Variants in ANKRD6 observed in about 807,000 individuals in gnomAD.
ANKRD6 encodes ankyrin repeat domain-containing protein 6.
A neutral mutation model predicts 82.3 loss-of-function variants in ANKRD6; 56 were observed. That is an observed-to-expected ratio of 0.68 (90% CI 0.55 to 0.85). The LOEUF is 0.85. Ranked by LOEUF, ANKRD6 falls within the 40% of genes least tolerant of loss-of-function variation. The pLI is 0.00. For missense variants in ANKRD6, 852 were observed against 907.6 expected, an observed-to-expected ratio of 0.94 and a Z score of 0.79; for synonymous variants, 347 against 352.1, an observed-to-expected ratio of 0.99 and a Z score of 0.16.
chr6:89,566,665 C>A (rs899164922), intron 1 of ANKRD6, among the ~76,000 whole-genome samples, 169 bp from the exon 2 acceptor site: 3 of 152,222 alleles, frequency 2.0e-5, no homozygotes, highest in Admixed American at 1.3e-4. Flanking sequence ...CTTGGAAGTT[C>A]TGTTCAGGGG....
At chr6:89,605,986 C>T (rs764266057) in intron 4 of ANKRD6, 21 bp from the exon 5 acceptor site, 23 of 1,540,352 alleles carry the variant, frequency 1.5e-5, no homozygotes, top group Non-Finnish European at 2.0e-5. Context: ...TGTGCCTTTC[C>T]CACCTGTGTG....
rs1433968541 is a variant in ANKRD6 at position 89,448,899 on chromosome 6, G to A, written c.-144+15524G>A. 2.6e-5 allele frequency among the ~76,000 whole-genome samples: 4 copies of A among 151,272 alleles called. No individual in the cohort carries two copies. The East Asian group carries it at 7.8e-4, about 29-fold the overall frequency. ...CAAAAAATTAGCCGGGCGTGTTGGC[G>A]GGCGCCTGTAGTCCCAGCTACTTGG... On this transcript the variant is annotated intron_variant, in intron 1 of 15. Transcript: ENST00000339746.
chr6:89,448,984 C>G (rs983802603), intron 1 of ANKRD6, among the ~76,000 whole-genome samples: 1 of 144,818 alleles, frequency 6.9e-6, no homozygotes, highest in Non-Finnish European at 1.5e-5. Context: ...GAGCCGAGAT[C>G]GCGCCACTGC....
chr6:89,567,050 A>G lies in ANKRD6; in HGVS notation c.74A>G (p.Asn25Ser), dbSNP rs1377363859. ...LVAAYKGQTE[N>S]VVQLINKGAR... The stretch of plus-strand genomic sequence containing the variant: ...GCTGCGTACAAAGGCCAAACAGAGA[A>G]TGTGGTTCAGCTCATCAACAAGGGC... Residue 25 changes from asparagine (N) to serine (S), a missense_variant, in exon 2 of 16, where the codon AAT (asparagine) becomes AGT (serine). Physicochemically the swap from Asn to Ser is conservative, Grantham distance 46. Transcript: ENST00000339746. The G allele has an allele frequency of 6.2e-7, 1 of 1,607,310 alleles. No homozygotes were observed. Among genetic ancestry groups the G allele is most frequent in the Non-Finnish European group, 8.5e-7 (1 of 1,176,772 alleles).
At chr6:89,555,681 A>G (rs1786499372) in intron 1 of ANKRD6, among the ~76,000 whole-genome samples, 1 of 152,180 alleles carries the variant, frequency 6.6e-6, no homozygotes, top group South Asian at 2.1e-4. Context: ...AAGGTGCTCT[A>G]AGTACCTTTT....
At chr6:89,491,009 A>G (rs903125668) in intron 1 of ANKRD6, among the ~76,000 whole-genome samples, 2 of 152,216 alleles carry the variant, frequency 1.3e-5, no homozygotes, top group African/African-American at 2.4e-5. Flanking sequence ...TTGACATAGA[A>G]CAGGACAAGG....
At chr6:89,533,589 G>C (rs1158879143) in intron 1 of ANKRD6, among the ~76,000 whole-genome samples, 1 of 152,180 alleles carries the variant, frequency 6.6e-6, no homozygotes, top group Non-Finnish European at 1.5e-5. Context: ...GGGAGCAAGA[G>C]AGCAAGGTTG....
chr6:89,482,404 C>G (rs1375079465), intron 1 of ANKRD6, among the ~76,000 whole-genome samples: 2 of 152,188 alleles, frequency 1.3e-5, no homozygotes, highest in Non-Finnish European at 2.9e-5. Context: ...ATAAATCATT[C>G]TTTCTACATT....
chr6:89,551,906 A>G (rs1310663449), intron 1 of ANKRD6, among the ~76,000 whole-genome samples: 2 of 152,208 alleles, frequency 1.3e-5, no homozygotes, highest in Non-Finnish European at 2.9e-5. Context: ...TAAAAACACA[A>G]TTCAAGGTGA....
At chr6:89,603,960 T>C (rs1797892963) in intron 4 of ANKRD6, among the ~76,000 whole-genome samples, 1 of 152,204 alleles carries the variant, frequency 6.6e-6, no homozygotes, top group Non-Finnish European at 1.5e-5. Context: ...CATGACTGCA[T>C]CACTGCATTC....
chr6:89,590,291 T>G (rs6912680), intron 2 of ANKRD6, among the ~76,000 whole-genome samples: 102,078 of 151,990 alleles, frequency 0.67, 36,253 homozygotes, highest in Non-Finnish European at 0.8. Context: ...TTAGCCTAAG[T>G]GCCTGTAGCT....
chr6:89,589,492 G>A (rs1272610127), intron 2 of ANKRD6, among the ~76,000 whole-genome samples: 1 of 152,160 alleles, frequency 6.6e-6, no homozygotes, highest in East Asian at 1.9e-4. Flanking sequence ...TCTTTTAAGT[G>A]GATTACCTTT....
rs1783911863 is a variant in ANKRD6, at chr6:89,536,969, A to G, written c.-143-29865A>G. 2.0e-5 allele frequency among the ~76,000 whole-genome samples: 3 copies of G among 152,214 alleles called. No individual in the cohort carries two copies. In the South Asian group the frequency reaches 6.2e-4, roughly 31 times the overall value. ...CCTGGGATTGCAGGTGTAAGCCACC[A>G]TGCCCAGTCATAGCAGTTTTTTTTT... On this transcript the variant is annotated intron_variant, in intron 1 of 15. Coordinates refer to ENST00000339746, the MANE Select transcript of ANKRD6 (RefSeq NM_001242809.2).
chr6:89,472,673 G>A (rs1378072345), intron 1 of ANKRD6, among the ~76,000 whole-genome samples: 2 of 152,180 alleles, frequency 1.3e-5, no homozygotes, highest in Non-Finnish European at 2.9e-5. Context: ...TACCTTACCT[G>A]TAGGGAATTA....
At chr6:89,436,982 A>C (rs796121413) in intron 1 of ANKRD6, among the ~76,000 whole-genome samples, 7 of 152,240 alleles carry the variant, frequency 4.6e-5, no homozygotes, top group African/African-American at 1.7e-4. Flanking sequence ...TCAGCTATTA[A>C]ATTTGTCACT....
chr6:89,603,475 C>T (rs893134416), intron 4 of ANKRD6, among the ~76,000 whole-genome samples: 1 of 151,864 alleles, frequency 6.6e-6, no homozygotes, highest in African/African-American at 2.4e-5. Flanking sequence ...AGCCATTGTG[C>T]CCAGCTGCCA....
intron 15 of ANKRD6, among the ~76,000 whole-genome samples, chr6:89,630,026 T>G (rs1563177279): frequency 6.6e-6 from 1 of 152,202 alleles, no homozygotes; most frequent in Non-Finnish European, 1.5e-5. Flanking sequence ...GCCCAGACAT[T>G]AGAGAATGGG....
chr6:89,462,896 G>T (rs982610971), intron 1 of ANKRD6, among the ~76,000 whole-genome samples: 1 of 149,092 alleles, frequency 6.7e-6, no homozygotes, highest in Non-Finnish European at 1.5e-5. Context: ...AAGAGACAAG[G>T]TATTAGTCTG....
In ANKRD6 at chr6:89,630,927, G is replaced by T; in HGVS notation, c.2107G>T (p.Ala703Ser). 1 of 1,609,680 alleles carries T rather than the reference G, an allele frequency of 6.2e-7. No homozygotes were observed. The highest frequency in any genetic ancestry group is 1.1e-5 in the South Asian group (1 of 90,352). The change falls in exon 16 of 16, where the codon GCT becomes TCT. Residue 703 changes from alanine (A) to serine (S), a missense_variant. By Grantham distance (99) the Ala-to-Ser change is moderately conservative. Transcript: ENST00000339746. ...QANQKAQQDK[A>S]TLKEHIKSLE... ...CAATCAGAAAGCCCAGCAAGATAAG[G>T]CTACATTGAAGGAACACATTAAAAG...
Sources: allele counts gnomAD v4.1 joint callset (sites outside exome capture counted in the v4.1 genomes callset), GRCh38; gene constraint gnomAD v4.1.1; transcripts MANE v1.5; gene names NCBI Gene and HGNC (gene_info 2026-07-23, HGNC 2026-07-21).